RASGRP3: variants seen among roughly 807,000 people sequenced by gnomAD.
RASGRP3 encodes the protein RAS guanyl releasing protein 3, also known as ras guanyl-releasing protein 3.
Under a neutral mutation model 82.7 loss-of-function variants are expected in RASGRP3, and 54 were observed. The ratio of observed to expected loss-of-function variants is 0.65; its 90% CI spans 0.52 to 0.82. The LOEUF (loss-of-function observed/expected upper bound fraction) is 0.82, where lower values mean the gene tolerates loss of function less well. Ranked by LOEUF, RASGRP3 falls within the 40% of genes least tolerant of loss-of-function variation. The pLI is 0.00. For synonymous variants in RASGRP3, 309 were observed against 300.5 expected, an observed-to-expected ratio of 1.03 and a Z score of -0.29; for missense variants, 861 against 828.9, an observed-to-expected ratio of 1.04 and a Z score of -0.48.
At chr2:33,464,110 A>AATTATTATTATTATT (rs70938402) in intron 2 of RASGRP3, among the ~76,000 whole-genome samples, 22 of 144,260 alleles carry the variant, frequency 1.5e-4, no homozygotes, top group Middle Eastern at 3.6e-3. Flanking sequence ...TAATAATAAT[A>AATTATTATTATTATT]ATTATTATTA....
At chr2:33,488,627 T>G (rs1668595896) in intron 1 of RASGRP3, among the ~76,000 whole-genome samples, 1 of 151,950 alleles carries the variant, frequency 6.6e-6, no homozygotes, top group African/African-American at 2.4e-5. Flanking sequence ...AAAGCAAAAA[T>G]AAAACACAAC....
At chr2:33,483,397 G>A (rs996603491) in intron 1 of RASGRP3, among the ~76,000 whole-genome samples, 1 of 151,624 alleles carries the variant, frequency 6.6e-6, no homozygotes, top group Admixed American at 6.6e-5. Context: ...TGTTCCAGGT[G>A]CAACTTTGAC....
chr2:33,461,264 T>C (rs1489453175), intron 2 of RASGRP3, among the ~76,000 whole-genome samples: 1 of 152,190 alleles, frequency 6.6e-6, no homozygotes, highest in Non-Finnish European at 1.5e-5. Context: ...AAACTGGAAA[T>C]TTCTCTACCA....
At chr2:33,550,248 A>C (rs1215969827) in intron 14 of RASGRP3, among the ~76,000 whole-genome samples, 1 of 152,232 alleles carries the variant, frequency 6.6e-6, no homozygotes, top group Non-Finnish European at 1.5e-5. Context: ...TGACGGTAAC[A>C]AAGTACTTCC....
chr2:33,441,602 T>C (rs1331161992), intron 1 of RASGRP3, among the ~76,000 whole-genome samples: 2 of 152,258 alleles, frequency 1.3e-5, no homozygotes, highest in Non-Finnish European at 2.9e-5. Flanking sequence ...CTGAAAGGCA[T>C]TTTGAATAGA....
At chr2:33,528,865 A>G (rs1672828246) in intron 10 of RASGRP3, among the ~76,000 whole-genome samples, 1 of 152,226 alleles carries the variant, frequency 6.6e-6, no homozygotes, top group African/African-American at 2.4e-5. Flanking sequence ...GCAACTCACA[A>G]TAATCCAAGC....
chr2:33,468,512 C>T (rs988717681), intron 2 of RASGRP3, among the ~76,000 whole-genome samples: 3 of 152,130 alleles, frequency 2.0e-5, no homozygotes, highest in Non-Finnish European at 4.4e-5. Flanking sequence ...AGCGATTCTC[C>T]TGCCTCAGCC....
At chr2:33,517,858 G>C (rs1434979355) in intron 4 of RASGRP3, among the ~76,000 whole-genome samples, 4 of 152,180 alleles carry the variant, frequency 2.6e-5, no homozygotes, top group African/African-American at 9.7e-5. Flanking sequence ...AACGTTTAAT[G>C]TGGAAAGTTG....
chr2:33,455,570 CGT>C (rs1457200439), intron 2 of RASGRP3, among the ~76,000 whole-genome samples: 1 of 152,218 alleles, frequency 6.6e-6, no homozygotes, highest in Non-Finnish European at 1.5e-5. Context: ...AGTCCCAACA[CGT>C]GTAAAATCGA....
intron 1 of RASGRP3, among the ~76,000 whole-genome samples, chr2:33,484,306 T>A (rs559189699): frequency 3.9e-5 from 6 of 152,342 alleles, no homozygotes; most frequent in Admixed American, 3.9e-4. Flanking sequence ...CAAGTTAATA[T>A]AGATTTCTGG....
Position 33,527,403 on chromosome 2 carries a change from C to A in RASGRP3, c.1074C>A (p.Asn358Lys). The A allele has an allele frequency of 1.2e-6, 2 of 1,612,648 alleles. No homozygotes were observed. Among genetic ancestry groups the A allele is most frequent in the Non-Finnish European group, 1.7e-6 (2 of 1,178,870 alleles). The change falls in exon 10 of 18, where the codon AAC (asparagine) becomes AAA (lysine). Residue 358 changes from asparagine to lysine, a missense_variant. By Grantham distance (94) the Asn-to-Lys change is moderately conservative. Transcript: ENST00000403687. The stretch of plus-strand genomic sequence containing the variant: ...TAGAACCCAACATGGATTTGATCAA[C>A]CTGCTCACGGTGAGTTCCAAGGAGC... ...HHLEPNMDLI[N>K]LLTLSLDLYH...
chr2:33,515,073 A>G lies in RASGRP3; in HGVS notation c.-64A>G, dbSNP rs1671317429. On this transcript the variant is annotated 5_prime_UTR_variant, in exon 3 of 18. Coordinates refer to ENST00000403687, the MANE Select transcript of RASGRP3 (RefSeq NM_001139488.2). ...GGCACTAACATCGCTGACTTGCATG[A>G]TTATGGAGATGGTCTATCTGATGCT... 2 of 1,492,400 alleles carry G rather than the reference A, an allele frequency of 1.3e-6. No homozygotes were observed. Among genetic ancestry groups the G allele is most frequent in the Non-Finnish European group, 1.9e-6 (2 of 1,069,500 alleles). The allele number at this position is 1,492,400 out of a possible 1,614,324, so 92.4% of individuals were successfully genotyped here.
At chr2:33,557,230 T>C (rs900785999) in intron 15 of RASGRP3, among the ~76,000 whole-genome samples, 3 of 152,180 alleles carry the variant, frequency 2.0e-5, no homozygotes, top group African/African-American at 4.8e-5. Flanking sequence ...CAAGTAGTAA[T>C]TAACATTCTA....
chr2:33,516,316 GA>G (rs1177836146), intron 3 of RASGRP3, among the ~76,000 whole-genome samples: 1 of 152,158 alleles, frequency 6.6e-6, no homozygotes, highest in Non-Finnish European at 1.5e-5. Context: ...GCTGAAGCAG[GA>G]AAATGTTTGA....
intron 2 of RASGRP3, among the ~76,000 whole-genome samples, chr2:33,464,151 C>T (rs951383292): frequency 6.8e-6 from 1 of 146,480 alleles, no homozygotes; most frequent in East Asian, 2.0e-4. Context: ...TGGAGTTTTG[C>T]TCTGTTGTCC....
At chr2:33,503,870 T>C (rs991047993) in intron 1 of RASGRP3, among the ~76,000 whole-genome samples, 7 of 152,184 alleles carry the variant, frequency 4.6e-5, no homozygotes, top group African/African-American at 7.2e-5. Context: ...TTAAAGCTTA[T>C]CACTGTCAAT....
At chr2:33,515,642 A>G (rs1258214022) in intron 3 of RASGRP3, among the ~76,000 whole-genome samples, 3 of 152,214 alleles carry the variant, frequency 2.0e-5, no homozygotes, top group Non-Finnish European at 2.9e-5. Flanking sequence ...CTTTTGACTC[A>G]GTCTTTTGAC....
rs147457383 is a variant in RASGRP3 at position 33,487,118 on chromosome 2, A to G, written c.-261+10411A>G. 5.8e-3 allele frequency among the ~76,000 whole-genome samples: 883 copies of G among 152,306 alleles called. 6 individuals are homozygous for G. Among genetic ancestry groups the G allele is most frequent in the African/African-American group, 0.02 (844 of 41,558 alleles). ...CTTTGAAGTAAATCCCAGATATTTC[A>G]TCATTCCATCCGTAAATATTTTAGT... On this transcript the variant is annotated intron_variant, in intron 1 of 17. Coordinates refer to ENST00000403687, the MANE Select transcript of RASGRP3 (RefSeq NM_001139488.2).
chr2:33,550,367 G>A (rs1675241173), intron 14 of RASGRP3, among the ~76,000 whole-genome samples: 4 of 152,118 alleles, frequency 2.6e-5, no homozygotes, highest in East Asian at 3.9e-4. Context: ...CCAGGTTCCC[G>A]AGGATTGCAC....
Sources: allele counts gnomAD v4.1 joint callset (sites outside exome capture counted in the v4.1 genomes callset), GRCh38; gene constraint gnomAD v4.1.1; transcripts MANE v1.5; gene names NCBI Gene and HGNC (gene_info 2026-07-23, HGNC 2026-07-21).